ZNF704: variants seen among roughly 807,000 people sequenced by gnomAD.
ZNF704 encodes zinc finger protein 704.
ZNF704 carries 10 observed loss-of-function variants against 44.7 expected under a neutral mutation model. That is an observed-to-expected ratio of 0.22 (90% CI 0.14 to 0.38). The LOEUF is 0.38. Ranked by LOEUF, ZNF704 falls within the 10% of genes least tolerant of loss-of-function variation. The pLI is 1.00. For synonymous variants in ZNF704, 211 were observed against 207.6 expected (o/e 1.02, Z -0.14); for missense variants, 390 against 545.5 (o/e 0.71, Z 2.84).
At chr8:80,696,660 T>C (rs573022841) in intron 2 of ZNF704, among the ~76,000 whole-genome samples, 12 of 152,328 alleles carry the variant, frequency 7.9e-5, no homozygotes, top group African/African-American at 2.9e-4. Flanking sequence ...TCAGGTGATC[T>C]ACCTGCCTTA....
chr8:80,727,396 A>G (rs1400050499), intron 2 of ZNF704, among the ~76,000 whole-genome samples: 3 of 152,032 alleles, frequency 2.0e-5, no homozygotes, highest in African/African-American at 7.2e-5. Flanking sequence ...GTCTCTTCTC[A>G]GTGACAACAG....
chr8:80,823,384 C>T (rs1808312960), intron 1 of ZNF704, among the ~76,000 whole-genome samples: 1 of 152,216 alleles, frequency 6.6e-6, no homozygotes, highest in African/African-American at 2.4e-5. Context: ...GGGGCATCAG[C>T]CACTGCTGAG....
chr8:80,642,562 G>A (rs994863561), intron 8 of ZNF704, among the ~76,000 whole-genome samples: 15 of 152,250 alleles, frequency 9.9e-5, no homozygotes, highest in African/African-American at 3.6e-4. Flanking sequence ...TAAAACTTAT[G>A]AATCATTTAT....
rs141376392 is a variant in ZNF704 at position 80,851,179 on chromosome 8, T to C, written c.-22+23392A>G. 7.1e-3 allele frequency among the ~76,000 whole-genome samples: 1,088 copies of C among 152,282 alleles called. 6 individuals are homozygous for C. The highest frequency in any genetic ancestry group is 0.01 in the Non-Finnish European group (712 of 68,024). ...TGTTTGTGGCGATTCCTCAGGGAACTAGAACTAGAAATACCATTTGACCCA... is the reference window on the plus strand; with the variant it reads ...TGTTTGTGGCGATTCCTCAGGGAACCAGAACTAGAAATACCATTTGACCCA... On this transcript the variant is annotated intron_variant, in intron 1 of 8. Transcript: ENST00000327835.
intron 7 of ZNF704, among the ~76,000 whole-genome samples, chr8:80,653,622 C>A (rs1817959541): frequency 6.6e-6 from 1 of 152,064 alleles, no homozygotes; most frequent in Admixed American, 6.6e-5. Context: ...ACCTAGGAAT[C>A]CAACTTACAA....
At chr8:80,851,627 T>G (rs1808866616) in intron 1 of ZNF704, among the ~76,000 whole-genome samples, 1 of 151,482 alleles carries the variant, frequency 6.6e-6, no homozygotes, top group Non-Finnish European at 1.5e-5. Flanking sequence ...TAATGCTAAA[T>G]GACGAGTTAA....
At chr8:80,652,379 G>T (rs1419410570) in intron 7 of ZNF704, among the ~76,000 whole-genome samples, 2 of 152,020 alleles carry the variant, frequency 1.3e-5, no homozygotes, top group African/African-American at 4.8e-5. Context: ...GAATCCAGGA[G>T]CTGTTTTTTT....
At chr8:80,851,621 GC>G (rs1219424662) in intron 1 of ZNF704, among the ~76,000 whole-genome samples, 1 of 151,848 alleles carries the variant, frequency 6.6e-6, no homozygotes, top group Non-Finnish European at 1.5e-5. Flanking sequence ...TACACCTAAT[GC>G]TAAATGACGA....
intron 2 of ZNF704, among the ~76,000 whole-genome samples, chr8:80,770,705 A>C (rs1328976393): frequency 1.3e-5 from 2 of 152,128 alleles, no homozygotes; most frequent in Admixed American, 1.3e-4. Context: ...TATTTGATAG[A>C]GTGCAATTTA....
intron 2 of ZNF704, among the ~76,000 whole-genome samples, chr8:80,744,720 T>C (rs1806816702): frequency 6.6e-6 from 1 of 152,232 alleles, no homozygotes; most frequent in Non-Finnish European, 1.5e-5. Flanking sequence ...ATAATGTGCT[T>C]AACTAATGGA....
intron 2 of ZNF704, among the ~76,000 whole-genome samples, chr8:80,740,733 TG>T: frequency 6.6e-6 from 1 of 152,346 alleles, no homozygotes; most frequent in African/African-American, 2.4e-5. Flanking sequence ...AATTCTTCTT[TG>T]CCTTTGAAGA....
At chr8:80,720,158 G>C (rs11985834) in intron 2 of ZNF704, among the ~76,000 whole-genome samples, 10,083 of 152,246 alleles carry the variant, frequency 0.066, 1,145 homozygotes, top group African/African-American at 0.23. Flanking sequence ...CCATCACCCA[G>C]ATGTGACTCC....
chr8:80,687,226 C>G lies in ZNF704; in HGVS notation c.558G>C (p.Lys186Asn). The part of the protein sequence containing the change: ...LFDEPIPRKR[K>N]NSMKVMFKCL... Reference sequence around the variant, plus strand: ...GAAGACCGCGTGGCTGACCACCAACCTTTCTTTTCCTGGGAATGGGCTCGT... The same window carrying G: ...GAAGACCGCGTGGCTGACCACCAACGTTTCTTTTCCTGGGAATGGGCTCGT... The change falls in exon 4 of 9, where the codon AAG (lysine) becomes AAC (asparagine). Residue 186 changes from lysine to asparagine, a missense_variant and splice_region_variant. Lys to Asn is a moderately conservative substitution (Grantham distance 94). Transcript: ENST00000327835. 2 of 1,610,500 alleles carry G rather than the reference C, an allele frequency of 1.2e-6. No individual in the cohort carries two copies. Among genetic ancestry groups the G allele is most frequent in the South Asian group, 2.2e-5 (2 of 90,814 alleles).
rs192031146 is a variant in ZNF704 at position 80,851,316 on chromosome 8, C to T, written c.-22+23255G>A. 8.2e-3 allele frequency among the ~76,000 whole-genome samples: 1,246 copies of T among 152,166 alleles called. 22 individuals are homozygous for T. Among genetic ancestry groups the T allele is most frequent in the South Asian group, 0.066 (316 of 4,810 alleles). Reference sequence around the variant, plus strand: ...ATTCACAATAGCAAAGACTTGGAACCAACCTAAATGTCCAACAACAATAGA... The same window carrying T: ...ATTCACAATAGCAAAGACTTGGAACTAACCTAAATGTCCAACAACAATAGA... On this transcript the variant is annotated intron_variant, in intron 1 of 8. Transcript: ENST00000327835.
At chr8:80,797,581 G>A (rs1807826981) in intron 2 of ZNF704, among the ~76,000 whole-genome samples, 2 of 152,152 alleles carry the variant, frequency 1.3e-5, no homozygotes, top group African/African-American at 4.8e-5. Flanking sequence ...TCACAGCTGG[G>A]GTGGTCAAGG....
At chr8:80,667,650 C>T (rs540654970) in intron 5 of ZNF704, among the ~76,000 whole-genome samples, 36 of 152,310 alleles carry the variant, frequency 2.4e-4, no homozygotes, top group Admixed American at 2.0e-3. Flanking sequence ...CCACACACAT[C>T]GGTGTATTTG....
chr8:80,782,543 A>G (rs1016898644), intron 2 of ZNF704, among the ~76,000 whole-genome samples: 1 of 152,192 alleles, frequency 6.6e-6, no homozygotes, highest in Non-Finnish European at 1.5e-5. Context: ...GTACTCTGAA[A>G]TAATCACATG....
intron 2 of ZNF704, among the ~76,000 whole-genome samples, chr8:80,813,303 G>A (rs537637090): frequency 1.2e-4 from 18 of 152,256 alleles, no homozygotes; most frequent in Admixed American, 1.0e-3. Context: ...CTTCATTAAT[G>A]GCAGTGACAT....
chr8:80,677,359 C>T (rs988502592), intron 4 of ZNF704, among the ~76,000 whole-genome samples: 2 of 152,212 alleles, frequency 1.3e-5, no homozygotes, highest in African/African-American at 4.8e-5. Context: ...TAAGGTTGGT[C>T]CTGATTACAG....
Sources: gnomAD v4.1 joint callset for allele counts (sites outside exome capture counted in the v4.1 genomes callset) on GRCh38, gnomAD v4.1.1 for gene constraint, MANE v1.5 for transcripts, NCBI Gene and HGNC (gene_info 2026-07-23, HGNC 2026-07-21) for gene names.